Variants in KIF5C observed in about 807,000 individuals in gnomAD.
KIF5C encodes the protein kinesin heavy chain isoform 5C.
In KIF5C, 18 loss-of-function variants were observed where a neutral mutation model predicts 125.2. That is an observed-to-expected ratio of 0.14 (90% CI 0.10 to 0.21). The LOEUF (loss-of-function observed/expected upper bound fraction) is 0.21, where lower values mean the gene tolerates loss of function less well. Ranked by LOEUF, KIF5C falls within the 10% of genes least tolerant of loss-of-function variation. KIF5C has a pLI of 1.00. For missense variants in KIF5C, 780 were observed against 1,183.8 expected, an observed-to-expected ratio of 0.66 and a Z score of 5.01; for synonymous variants, 405 against 434.0, an observed-to-expected ratio of 0.93 and a Z score of 0.83.
chr2:148,905,449 TGGTTTGCTAAGG>T (rs1681068091), intron 1 of KIF5C, among the ~76,000 whole-genome samples: 2 of 152,096 alleles, frequency 1.3e-5, no homozygotes, highest in Non-Finnish European at 2.9e-5. Context: ...GGAGAGGCAT[TGGTTTGCTAAGG>T]GGACAGCTGT....
intron 1 of KIF5C, among the ~76,000 whole-genome samples, chr2:148,894,991 T>C (rs1293333624): frequency 6.7e-6 from 1 of 150,074 alleles, no homozygotes; most frequent in Non-Finnish European, 1.5e-5. Flanking sequence ...ATACTTAATA[T>C]ATATAAAATA....
intron 25 of KIF5C, among the ~76,000 whole-genome samples, chr2:149,017,402 G>C (rs1477735044): frequency 6.6e-6 from 1 of 152,318 alleles, no homozygotes; most frequent in South Asian, 2.1e-4. Context: ...CTTGAGACCA[G>C]AGACGGTGTA....
intron 20 of KIF5C, 26 bp from the exon 21 acceptor site, chr2:149,000,696 G>T (rs570124187): frequency 1.9e-6 from 3 of 1,613,108 alleles, no homozygotes; most frequent in Non-Finnish European, 2.5e-6. Flanking sequence ...CCCTGTGGTG[G>T]TCTATGGTTC....
chr2:148,881,720 T>TTTCCCACCTGTGTCTACTTATGTAAAAA (rs1558869815), intron 1 of KIF5C, among the ~76,000 whole-genome samples: 4 of 146,314 alleles, frequency 2.7e-5, no homozygotes, highest in African/African-American at 1.1e-4. Flanking sequence ...TCCTTACCTC[T>TTTCCCACCTGTGTCTACTTATGTAAAAA]AAATCATCGT....
chr2:148,889,445 G>A (rs1681645416), intron 1 of KIF5C, among the ~76,000 whole-genome samples: 1 of 152,212 alleles, frequency 6.6e-6, no homozygotes, highest in Non-Finnish European at 1.5e-5. Context: ...AGGGAGGAAG[G>A]ACTTGGAGGG....
chr2:148,994,716 T>G (rs937164111), intron 17 of KIF5C, among the ~76,000 whole-genome samples, 178 bp downstream of exon 17: 1 of 151,998 alleles, frequency 6.6e-6, no homozygotes, highest in Non-Finnish European at 1.5e-5. Context: ...TCTTTTTTTT[T>G]TTTTAAGATG....
intron 10 of KIF5C, among the ~76,000 whole-genome samples, chr2:148,954,827 A>G (rs2105120311): frequency 6.6e-6 from 1 of 152,328 alleles, no homozygotes; most frequent in Middle Eastern, 3.4e-3. Flanking sequence ...ACATGAGAAC[A>G]CATTACCTAC....
At chr2:148,953,534 A>G (rs532773214) in intron 10 of KIF5C, among the ~76,000 whole-genome samples, 55 of 152,242 alleles carry the variant, frequency 3.6e-4, no homozygotes, top group Non-Finnish European at 6.9e-4. Flanking sequence ...GGTATGTGAT[A>G]GCTAATGAGA....
intron 15 of KIF5C, among the ~76,000 whole-genome samples, chr2:148,985,497 C>T (rs1681356587): frequency 6.6e-6 from 1 of 152,102 alleles, no homozygotes; most frequent in South Asian, 2.1e-4. Flanking sequence ...AATCTTCCTG[C>T]CAATACCACA....
In KIF5C at chr2:148,875,741, G is replaced by C. The variant is rs1681163044; in HGVS notation, c.124G>C (p.Gly42Arg). ...KFKGDETVVI[G>R]QGKPYVFDRV... ...TAAAGGCGATGAGACCGTGGTGATC[G>C]GGGTAAGTGGCTGGGGCGTCTGCCT... The change falls in exon 1 of 26, where the codon GGG becomes CGG. Residue 42 changes from glycine to arginine, a missense_variant and splice_region_variant. Physicochemically the swap from Gly to Arg is moderately radical, Grantham distance 125. This residue lies in a region of KIF5C where 207 missense variants were observed against 441.2 expected (regional missense o/e 0.47). Transcript: ENST00000435030. 3 of 1,603,820 alleles carry C rather than the reference G, an allele frequency of 1.9e-6. No individual in the cohort carries two copies. The highest frequency in any genetic ancestry group is 2.7e-5 in the African/African-American group (2 of 74,826).
intron 4 of KIF5C, among the ~76,000 whole-genome samples, chr2:148,940,611 A>G (rs566867449): frequency 5.9e-5 from 9 of 152,352 alleles, no homozygotes. Flanking sequence ...GTCACATCCC[A>G]GCTTTACAAC....
chr2:149,016,438 G>A (rs1682361638), intron 25 of KIF5C, among the ~76,000 whole-genome samples: 1 of 152,186 alleles, frequency 6.6e-6, no homozygotes, highest in South Asian at 2.1e-4. Flanking sequence ...GGGAGAAGTG[G>A]CCTGAGTCAG....
intron 24 of KIF5C, 35 bp from the exon 25 acceptor site, chr2:149,011,535 G>A (rs114622622): frequency 3.1e-5 from 50 of 1,612,452 alleles, no homozygotes; most frequent in Non-Finnish European, 4.2e-5. Flanking sequence ...TTTTCTAAAT[G>A]TCTGTTCTCT....
chr2:148,891,023 G>A (rs1415806632), intron 1 of KIF5C, among the ~76,000 whole-genome samples: 1 of 152,176 alleles, frequency 6.6e-6, no homozygotes, highest in East Asian at 1.9e-4. Flanking sequence ...CATTTTAAAA[G>A]TAAAGTATAA....
At chr2:149,017,073 A>G (rs777902322) in intron 25 of KIF5C, among the ~76,000 whole-genome samples, 2 of 152,164 alleles carry the variant, frequency 1.3e-5, no homozygotes, top group Non-Finnish European at 2.9e-5. Flanking sequence ...CATGGACTAG[A>G]CAGACTAGGT....
At chr2:149,015,395 A>G (rs1401590860) in intron 25 of KIF5C, among the ~76,000 whole-genome samples, 1 of 152,148 alleles carries the variant, frequency 6.6e-6, no homozygotes, top group Admixed American at 6.5e-5. Flanking sequence ...TTTTTGAGAC[A>G]GTCTTTCCTG....
intron 1 of KIF5C, among the ~76,000 whole-genome samples, chr2:148,896,791 A>C (rs1006350676): frequency 6.6e-6 from 1 of 151,680 alleles, no homozygotes; most frequent in African/African-American, 2.4e-5. Context: ...GCAGTTTTCC[A>C]TTTGTTTTTG....
chr2:148,930,449 T>C (rs1340803946), intron 3 of KIF5C, among the ~76,000 whole-genome samples: 2 of 152,080 alleles, frequency 1.3e-5, no homozygotes, highest in African/African-American at 4.8e-5. Flanking sequence ...TATAAGAAAC[T>C]GCACAGAGGA....
intron 13 of KIF5C, 83 bp downstream of exon 13, chr2:148,979,073 G>T: frequency 7.3e-7 from 1 of 1,372,894 alleles, no homozygotes; most frequent in Non-Finnish European, 9.5e-7. Context: ...AATTTAATTG[G>T]CATAGAAGCT....
Sources: gnomAD v4.1 joint callset for allele counts (sites outside exome capture counted in the v4.1 genomes callset) on GRCh38, gnomAD v4.1.1 for gene constraint, gnomAD v4.1.1 regional missense constraint, MANE v1.5 for transcripts, NCBI Gene and HGNC (gene_info 2026-07-23, HGNC 2026-07-21) for gene names.